TJP1: variants seen among roughly 807,000 people sequenced by gnomAD.
TJP1 encodes tight junction protein ZO-1.
In TJP1, 43 loss-of-function variants were observed where a neutral mutation model predicts 194.2. The observed-to-expected ratio is 0.22, with a 90% CI of 0.17 to 0.29. The LOEUF is 0.29. Ranked by LOEUF, TJP1 falls within the 10% of genes least tolerant of loss-of-function variation. The probability of loss-of-function intolerance (pLI) is 1.00; values close to 1 mark genes in which losing one functional copy is unlikely to be tolerated. For missense variants in TJP1, 1,971 were observed against 2,185.7 expected (o/e 0.90, Z 1.96); for synonymous variants, 801 against 779.0 (o/e 1.03, Z -0.47).
intron 2 of TJP1, among the ~76,000 whole-genome samples, chr15:29,842,857 T>C (rs2051273821): frequency 6.6e-6 from 1 of 152,216 alleles, no homozygotes; most frequent in Non-Finnish European, 1.5e-5. Context: ...TTTTGAAATG[T>C]TGAATTATCC....
intron 4 of TJP1, among the ~76,000 whole-genome samples, chr15:29,768,755 TATAAAC>T (rs1189789769): frequency 2.0e-5 from 3 of 152,230 alleles, no homozygotes; most frequent in Non-Finnish European, 4.4e-5. Context: ...AATCAACAGT[TATAAAC>T]ATGAATAATA....
chr15:29,968,700 C>T (rs2152330730), exon 1 of TJP1: 2 of 1,162,418 alleles, frequency 1.7e-6, no homozygotes, highest in South Asian at 1.6e-5. Context: ...GAGGCTGCCG[C>T]GGTTGGAGGG....
At chr15:29,884,100 C>G (rs2053031927) in intron 2 of TJP1, among the ~76,000 whole-genome samples, 2 of 152,336 alleles carry the variant, frequency 1.3e-5, no homozygotes, top group East Asian at 1.9e-4. Context: ...TGAAAGCACA[C>G]CTTTTCCTCC....
At chr15:29,949,577 ACCACCT>A (rs1437368966) in intron 2 of TJP1, among the ~76,000 whole-genome samples, 34 of 112,762 alleles carry the variant, frequency 3.0e-4, no homozygotes, top group Non-Finnish European at 5.8e-4. Flanking sequence ...TTCCACAACC[ACCACCT>A]CCACCTCCAC....
At chr15:29,888,042 A>T (rs2053178876) in intron 2 of TJP1, among the ~76,000 whole-genome samples, 1 of 152,198 alleles carries the variant, frequency 6.6e-6, no homozygotes, top group African/African-American at 2.4e-5. Flanking sequence ...AACGATCTAA[A>T]AGTATATTAA....
intron 18 of TJP1, among the ~76,000 whole-genome samples, chr15:29,723,685 T>C (rs544238437): frequency 6.6e-6 from 1 of 152,362 alleles, no homozygotes; most frequent in African/African-American, 2.4e-5. Flanking sequence ...TTATTATTTT[T>C]CATAGAAACA....
chr15:29,913,789 AATG>A (rs1596246563), intron 2 of TJP1, among the ~76,000 whole-genome samples: 1 of 152,328 alleles, frequency 6.6e-6, no homozygotes, highest in East Asian at 1.9e-4. Context: ...AGAACAAAAA[AATG>A]ATTTCACTTC....
intron 2 of TJP1, among the ~76,000 whole-genome samples, chr15:29,881,753 C>T (rs17571316): frequency 0.017 from 2,562 of 152,060 alleles, 30 homozygotes; most frequent in Non-Finnish European, 0.021. Flanking sequence ...ATATACTCAC[C>T]GACAAGGAGC....
In TJP1 at chr15:29,720,692, C is replaced by G; in HGVS notation, c.2429G>C (p.Ser810Thr). 8.1e-6 allele frequency: 13 copies of G among 1,598,722 alleles called. No homozygotes were observed. The highest frequency in any genetic ancestry group is 1.1e-5 in the Non-Finnish European group (13 of 1,171,562). The change falls in exon 19 of 28, where the codon AGT (serine) becomes ACT (threonine). Residue 810 changes from serine (S) to threonine (T), a missense_variant. Physicochemically the swap from Ser to Thr is moderately conservative, Grantham distance 58. This residue lies in a region of TJP1 where 402 missense variants were observed against 484.2 expected (regional missense o/e 0.83). Transcript: ENST00000614355. ...ATCATCATGCAAATCAAGGTCATCACTTGTAGCACCATCCGCCTGGGTCAA... is the reference window on the plus strand; with the variant it reads ...ATCATCATGCAAATCAAGGTCATCAGTTGTAGCACCATCCGCCTGGGTCAA... ...VSEGKADGAT[S>T]DDLDLHDDRL...
At chr15:29,741,860 T>C (rs2044443723) in intron 9 of TJP1, among the ~76,000 whole-genome samples, 1 of 152,104 alleles carries the variant, frequency 6.6e-6, no homozygotes, top group Non-Finnish European at 1.5e-5. Context: ...AGAAACAAAA[T>C]CTCCAGGCCT....
rs185317083 is a variant in TJP1 at position 29,967,087 on chromosome 15, C to T, written c.173+1580G>A. Among the ~76,000 whole-genome samples, 315 of 151,268 alleles carry T rather than the reference C, an allele frequency of 2.1e-3. 2 individuals are homozygous for T. Among genetic ancestry groups the T allele is most frequent in the Admixed American group, 3.1e-3 (47 of 15,194 alleles). ...GGAGTGCAGTGGCATGACCTTGGCT[C>T]ACTGCAACCTCTGCCTCCCGGGTTC... On this transcript the variant is annotated intron_variant, in intron 1 of 28. Coordinates refer to the TJP1 transcript ENST00000356107.
At chr15:29,726,592 G>T in intron 17 of TJP1, 113 bp from the exon 18 acceptor site, 2 of 1,200,078 alleles carry the variant, frequency 1.7e-6, no homozygotes, top group Non-Finnish European at 2.4e-6. Context: ...ATCTGAGGAT[G>T]CAAACATTTG....
At chr15:29,717,011 CA>C (rs2042610480) in intron 22 of TJP1, among the ~76,000 whole-genome samples, 173 bp from the exon 23 acceptor site, 1 of 152,188 alleles carries the variant, frequency 6.6e-6, no homozygotes, top group African/African-American at 2.4e-5. Context: ...CCCATGTCCT[CA>C]CAGAGTATAC....
intron 15 of TJP1, among the ~76,000 whole-genome samples, chr15:29,730,267 T>C (rs574976856): frequency 7.2e-5 from 11 of 152,048 alleles, no homozygotes; most frequent in Non-Finnish European, 1.3e-4. Flanking sequence ...ATGGCACTTT[T>C]ATAATTACAA....
At chr15:29,725,275 A>G (rs1032606473) in intron 18 of TJP1, among the ~76,000 whole-genome samples, 4 of 152,188 alleles carry the variant, frequency 2.6e-5, no homozygotes, top group African/African-American at 9.7e-5. Flanking sequence ...GAAAAACCAT[A>G]GTTCTGACAC....
chr15:29,955,567 A>G (rs1205154650), intron 2 of TJP1, among the ~76,000 whole-genome samples: 1 of 151,826 alleles, frequency 6.6e-6, no homozygotes, highest in African/African-American at 2.4e-5. Context: ...CCAGGGCAAC[A>G]TAGTGAGACC....
At chr15:29,919,694 G>A (rs1385997773) in intron 2 of TJP1, among the ~76,000 whole-genome samples, 1 of 152,210 alleles carries the variant, frequency 6.6e-6, no homozygotes, top group East Asian at 1.9e-4. Flanking sequence ...CTCTTAGGCA[G>A]AGGGACTTCA....
At chr15:29,834,623 A>G (rs2050964849) in intron 2 of TJP1, among the ~76,000 whole-genome samples, 1 of 152,256 alleles carries the variant, frequency 6.6e-6, no homozygotes, top group Admixed American at 6.5e-5. Context: ...CAATGAGGTT[A>G]ATGACACAAA....
intron 2 of TJP1, among the ~76,000 whole-genome samples, chr15:29,937,817 T>C (rs1018009686): frequency 6.6e-6 from 1 of 152,190 alleles, no homozygotes; most frequent in South Asian, 2.1e-4. Flanking sequence ...TATACCTAGA[T>C]GTGGAAAAGT....
Sources: allele counts gnomAD v4.1 joint callset (sites outside exome capture counted in the v4.1 genomes callset), GRCh38; gene constraint gnomAD v4.1.1; regional missense constraint gnomAD v4.1.1; transcripts MANE v1.5; gene names NCBI Gene and HGNC (gene_info 2026-07-23, HGNC 2026-07-21).